SPOCK3: variants seen among roughly 807,000 people sequenced by gnomAD.
SPOCK3 encodes the protein testican-3.
SPOCK3 carries 30 observed loss-of-function variants against 56.6 expected under a neutral mutation model. The ratio of observed to expected loss-of-function variants is 0.53; its 90% confidence interval spans 0.40 to 0.72. SPOCK3 has a LOEUF of 0.72. Among genes scored for constraint, SPOCK3 ranks in the 30% least tolerant of loss-of-function variants. The pLI is 0.00. For synonymous variants in SPOCK3, 196 were observed against 183.3 expected (o/e 1.07, Z -0.56); for missense variants, 527 against 530.0 (o/e 0.99, Z 0.06).
At chr4:167,163,166 ATT>A (rs560014140) in intron 2 of SPOCK3, among the ~76,000 whole-genome samples, 6,370 of 127,798 alleles carry the variant, frequency 0.05, 148 homozygotes, top group South Asian at 0.08. Context: ...TTGTTGGGGG[ATT>A]TTTTTTTTTT....
intron 2 of SPOCK3, among the ~76,000 whole-genome samples, chr4:167,210,525 T>C (rs1734767944): frequency 6.6e-6 from 1 of 152,194 alleles, no homozygotes; most frequent in African/African-American, 2.4e-5. Context: ...TCCTCTTTAC[T>C]GACATGCTTT....
chr4:167,072,566 A>T (rs1354137156), intron 2 of SPOCK3, among the ~76,000 whole-genome samples: 4 of 151,976 alleles, frequency 2.6e-5, no homozygotes, highest in Admixed American at 1.3e-4. Context: ...TTTTGTTGAG[A>T]TGGAGAAGAC....
intron 3 of SPOCK3, among the ~76,000 whole-genome samples, chr4:167,035,298 T>C (rs903759457): frequency 1.3e-5 from 2 of 152,122 alleles, no homozygotes; most frequent in Non-Finnish European, 2.9e-5. Context: ...TTCCATTATT[T>C]CTATATGATT....
intron 2 of SPOCK3, among the ~76,000 whole-genome samples, chr4:167,212,277 T>C (rs886398174): frequency 2.6e-5 from 4 of 152,128 alleles, no homozygotes; most frequent in Non-Finnish European, 5.9e-5. Flanking sequence ...CTTTCACTCT[T>C]GTTGCCCAGG....
chr4:166,898,069 G>A (rs935690965), intron 5 of SPOCK3, among the ~76,000 whole-genome samples: 1 of 151,908 alleles, frequency 6.6e-6, no homozygotes, highest in Non-Finnish European at 1.5e-5. Flanking sequence ...GGCTGGTACT[G>A]TGCACCTGTA....
At chr4:167,118,978 A>G (rs1481445991) in intron 2 of SPOCK3, among the ~76,000 whole-genome samples, 1 of 152,054 alleles carries the variant, frequency 6.6e-6, no homozygotes, top group East Asian at 1.9e-4. Context: ...CTGTTCTCTC[A>G]GTGACCAATC....
intron 4 of SPOCK3, among the ~76,000 whole-genome samples, chr4:166,930,545 C>T (rs1242506004): frequency 6.6e-6 from 1 of 151,632 alleles, no homozygotes; most frequent in Admixed American, 6.6e-5. Flanking sequence ...AATAATTCTG[C>T]TGGCACCATA....
intron 2 of SPOCK3, among the ~76,000 whole-genome samples, chr4:167,232,284 C>G (rs1019247135): frequency 6.6e-6 from 1 of 151,672 alleles, no homozygotes; most frequent in African/African-American, 2.4e-5. Flanking sequence ...TATCTCTGCT[C>G]TCATTGAAGA....
At chr4:166,997,287 A>T (rs1375369711) in intron 4 of SPOCK3, among the ~76,000 whole-genome samples, 3 of 152,144 alleles carry the variant, frequency 2.0e-5, no homozygotes, top group Non-Finnish European at 2.9e-5. Context: ...ACAAACCTGC[A>T]CATTCTGCAC....
At chr4:167,169,531 T>A (rs954695733) in intron 2 of SPOCK3, among the ~76,000 whole-genome samples, 4 of 152,220 alleles carry the variant, frequency 2.6e-5, no homozygotes, top group African/African-American at 9.6e-5. Flanking sequence ...CCAATGCCTA[T>A]ACCTCCATTG....
intron 6 of SPOCK3, among the ~76,000 whole-genome samples, chr4:166,853,740 G>T (rs1295753565): frequency 6.6e-6 from 1 of 152,022 alleles, no homozygotes; most frequent in Non-Finnish European, 1.5e-5. Context: ...AAACTAGCTG[G>T]GCATGGTGGC....
At chr4:167,108,921 C>T (rs1383493261) in intron 2 of SPOCK3, among the ~76,000 whole-genome samples, 33 of 126,334 alleles carry the variant, frequency 2.6e-4, no homozygotes, top group African/African-American at 9.2e-4. Context: ...ATATACCGCA[C>T]AAATATATAT....
At chr4:167,091,176 C>T (rs1758668397) in intron 2 of SPOCK3, among the ~76,000 whole-genome samples, 1 of 152,122 alleles carries the variant, frequency 6.6e-6, no homozygotes. Context: ...TCTCTGACCA[C>T]CTTTGGGCTT....
intron 4 of SPOCK3, among the ~76,000 whole-genome samples, chr4:166,947,835 G>T (rs1741969197): frequency 6.6e-6 from 1 of 152,114 alleles, no homozygotes; most frequent in Admixed American, 6.5e-5. Context: ...AGCATGTCCA[G>T]CTCCTCACAT....
chr4:166,904,048 G>A (rs1376280201), intron 5 of SPOCK3, among the ~76,000 whole-genome samples: 1 of 151,580 alleles, frequency 6.6e-6, no homozygotes, highest in African/African-American at 2.4e-5. Context: ...ATTAGTTGTT[G>A]ATATAAAATT....
At chr4:166,878,715 A>G (rs1378648565) in intron 6 of SPOCK3, among the ~76,000 whole-genome samples, 2 of 152,172 alleles carry the variant, frequency 1.3e-5, no homozygotes, top group Non-Finnish European at 2.9e-5. Flanking sequence ...ACCTGTGACC[A>G]TAACAGAAAG....
chr4:167,013,400 T>C (rs1750285254), intron 3 of SPOCK3, among the ~76,000 whole-genome samples: 1 of 151,692 alleles, frequency 6.6e-6, no homozygotes, highest in Non-Finnish European at 1.5e-5. Flanking sequence ...TATATAATAT[T>C]GTCTTCTAAA....
chr4:166,834,102 C>G (rs1479477145), intron 6 of SPOCK3, among the ~76,000 whole-genome samples: 1 of 152,108 alleles, frequency 6.6e-6, no homozygotes. Flanking sequence ...GAAATGTGTT[C>G]CCCCAGAGAC....
chr4:167,228,303 C>T (rs1401610545), intron 2 of SPOCK3, among the ~76,000 whole-genome samples: 1 of 152,068 alleles, frequency 6.6e-6, no homozygotes, highest in Non-Finnish European at 1.5e-5. Flanking sequence ...ATACAACATA[C>T]ATAGAGTAAT....
Sources: gnomAD v4.1 joint callset for allele counts (sites outside exome capture counted in the v4.1 genomes callset) on GRCh38, gnomAD v4.1.1 for gene constraint, MANE v1.5 for transcripts, NCBI Gene and HGNC (gene_info 2026-07-23, HGNC 2026-07-21) for gene names.